Variants in UGT2B4 observed in about 807,000 individuals in gnomAD.
UGT2B4 encodes the protein UDP-glucuronosyltransferase 2B4.
Under a neutral mutation model 49.8 loss-of-function variants are expected in UGT2B4, and 49 were observed. The observed-to-expected ratio is 0.98, with a 90% confidence interval of 0.78 to 1.25. The LOEUF (loss-of-function observed/expected upper bound fraction) is 1.25. UGT2B4 is among the 50% of genes most tolerant of loss of function. The probability of loss-of-function intolerance (pLI) is 0.00; values close to 1 mark genes in which losing one functional copy is unlikely to be tolerated. For synonymous variants in UGT2B4, 246 were observed against 217.7 expected, an observed-to-expected ratio of 1.13 and a Z score of -1.14; for missense variants, 729 against 627.7, an observed-to-expected ratio of 1.16 and a Z score of -1.73.
intron 3 of UGT2B4, among the ~76,000 whole-genome samples, chr4:69,488,411 A>G (rs1727858246): frequency 6.6e-6 from 1 of 151,402 alleles, no homozygotes. Context: ...ATTAAAAAAA[A>G]ATAATTTACG....
chr4:69,481,564 A>G (rs1727591691), intron 5 of UGT2B4, among the ~76,000 whole-genome samples: 1 of 152,132 alleles, frequency 6.6e-6, no homozygotes, highest in African/African-American at 2.4e-5. Context: ...GTATTTTTCT[A>G]TGAGGTGCAT....
At chr4:69,503,893 G>A (rs949483013) in intron 1 of UGT2B4, among the ~76,000 whole-genome samples, 8 of 152,170 alleles carry the variant, frequency 5.3e-5, no homozygotes, top group Admixed American at 1.3e-4. Flanking sequence ...AAAACCTTGA[G>A]GAGCCAGAGA....
intron 1 of UGT2B4, among the ~76,000 whole-genome samples, chr4:69,502,606 C>T (rs1560439313): frequency 6.6e-6 from 1 of 152,132 alleles, no homozygotes. Flanking sequence ...GTTGCCTGTT[C>T]CCATATCTCC....
At chr4:69,500,000 G>A (rs964174901), upstream of UGT2B4, among the ~76,000 whole-genome samples, 3 of 152,142 alleles carry the variant, frequency 2.0e-5, no homozygotes, top group South Asian at 6.2e-4. Flanking sequence ...CAACCCAAAT[G>A]CCCATCAATG....
rs989688855 is a variant in UGT2B4, at chr4:69,519,983, T to C, written c.-106+5704A>G. ...ACTAAAAGATATTAAAAATGAAATATAGTATCTCACAAATAAACACAAGTA... is the reference window on the plus strand; with the variant it reads ...ACTAAAAGATATTAAAAATGAAATACAGTATCTCACAAATAAACACAAGTA... On this transcript the variant is annotated intron_variant, in intron 1 of 1. Transcript: ENST00000510114. Among the ~76,000 whole-genome samples, 7 of 152,308 alleles carry C rather than the reference T, an allele frequency of 4.6e-5. No homozygotes were observed. In the South Asian group the frequency reaches 1.0e-3, roughly 23 times the overall value.
chr4:69,523,767 C>A (rs988062189), intron 1 of UGT2B4, among the ~76,000 whole-genome samples: 3 of 152,078 alleles, frequency 2.0e-5, no homozygotes, highest in Non-Finnish European at 1.5e-5. Context: ...ACTCAAGTGA[C>A]ATATTTTTTC....
Position 69,495,477 on chromosome 4 carries a change from C to G in UGT2B4, c.385G>C (p.Asp129His). 3 of 1,612,434 alleles carry G rather than the reference C, an allele frequency of 1.9e-6. No individual in the cohort carries two copies. The highest frequency in any genetic ancestry group is 2.5e-6 in the Non-Finnish European group (3 of 1,179,082). ...FNDILRKFCK[D>H]IVSNKKLMKK... ...ATAAGTTTCTTATTTGAAACTATAT[C>G]CTTACAGAACTTTCTAAGTATGTCA... Residue 129 changes from aspartate to histidine, a missense_variant, in exon 1 of 6, where the codon GAT becomes CAT. Transcript: ENST00000305107.
intron 1 of UGT2B4, among the ~76,000 whole-genome samples, chr4:69,520,914 C>T (rs1436447708): frequency 6.6e-6 from 1 of 152,144 alleles, no homozygotes; most frequent in African/African-American, 2.4e-5. Context: ...GCTGATATGT[C>T]AGTTGAAGAT....
chr4:69,505,550 C>A (rs1728445726), intron 1 of UGT2B4, among the ~76,000 whole-genome samples: 1 of 152,102 alleles, frequency 6.6e-6, no homozygotes, highest in Non-Finnish European at 1.5e-5. Flanking sequence ...AACACAGGAG[C>A]ACCCAGATTC....
At chr4:69,513,986 G>A (rs1728670431) in intron 1 of UGT2B4, among the ~76,000 whole-genome samples, 1 of 144,142 alleles carries the variant, frequency 6.9e-6, no homozygotes, top group African/African-American at 2.6e-5. Context: ...TGAGATGATG[G>A]GGTTTTATTT....
At chr4:69,525,564 C>T (rs1354282120) in intron 1 of UGT2B4, 4 of 360,110 alleles carry the variant, frequency 1.1e-5, no homozygotes, top group Non-Finnish European at 1.6e-5. Flanking sequence ...TTTGGAGACT[C>T]ATTTTTTGGG....
chr4:69,496,315 G>A (rs530997476), upstream of UGT2B4, among the ~76,000 whole-genome samples: 17 of 152,180 alleles, frequency 1.1e-4, no homozygotes, highest in Admixed American at 5.9e-4. Flanking sequence ...GTGAGCCACC[G>A]CACCCAGCCC....
chr4:69,486,523 T>G, intron 4 of UGT2B4, 86 bp downstream of exon 4: 1 of 875,734 alleles, frequency 1.1e-6, no homozygotes, highest in East Asian at 3.0e-5. Context: ...CCATAACAAA[T>G]GTTCAGTAAG....
chr4:69,508,101 GC>G (rs1728520797), intron 1 of UGT2B4, among the ~76,000 whole-genome samples: 1 of 152,118 alleles, frequency 6.6e-6, no homozygotes, highest in African/African-American at 2.4e-5. Context: ...AAATAGCTGA[GC>G]ATCACTGATT....
At chr4:69,504,437 T>C (rs1330762971) in intron 1 of UGT2B4, among the ~76,000 whole-genome samples, 1 of 152,042 alleles carries the variant, frequency 6.6e-6, no homozygotes, top group Non-Finnish European at 1.5e-5. Context: ...TTATACCACA[T>C]GAATTTCATA....
At chr4:69,488,998 C>T (rs1727899779) in intron 3 of UGT2B4, among the ~76,000 whole-genome samples, 1 of 152,110 alleles carries the variant, frequency 6.6e-6, no homozygotes, top group South Asian at 2.1e-4. Context: ...CTGCATGATG[C>T]ATGTCAGCCT....
At chr4:69,492,686 A>C (rs189726516) in intron 2 of UGT2B4, among the ~76,000 whole-genome samples, 7 of 152,242 alleles carry the variant, frequency 4.6e-5, no homozygotes, top group Admixed American at 3.3e-4. Flanking sequence ...TAATTGCAAA[A>C]TAATATTTCT....
intron 1 of UGT2B4, among the ~76,000 whole-genome samples, chr4:69,524,701 G>GGA: frequency 6.6e-6 from 1 of 151,074 alleles, no homozygotes; most frequent in South Asian, 2.1e-4. Context: ...CAACTTATGA[G>GGA]AAAAAAAAAC....
At chr4:69,507,784 A>G (rs1451303347) in intron 1 of UGT2B4, among the ~76,000 whole-genome samples, 1 of 152,244 alleles carries the variant, frequency 6.6e-6, no homozygotes, top group East Asian at 1.9e-4. Flanking sequence ...AATAGCATTC[A>G]GAATATAGAC....
Sources: allele counts gnomAD v4.1 joint callset (sites outside exome capture counted in the v4.1 genomes callset), GRCh38; gene constraint gnomAD v4.1.1; transcripts MANE v1.5; gene names NCBI Gene and HGNC (gene_info 2026-07-23, HGNC 2026-07-21).